PCNT: variants seen among roughly 807,000 people sequenced by gnomAD.
The protein encoded by PCNT is pericentrin.
A neutral mutation model predicts 380.4 loss-of-function variants in PCNT; 319 were observed. The ratio of observed to expected loss-of-function variants is 0.84; its 90% confidence interval spans 0.77 to 0.92. PCNT has a LOEUF of 0.92. PCNT is among the 40% of genes least tolerant of loss of function. The pLI, the probability that PCNT is intolerant of heterozygous loss-of-function variation, is 0.00. For synonymous variants in PCNT, 1,845 were observed against 1,735.2 expected (o/e 1.06, Z -1.57); for missense variants, 4,400 against 4,255.3 (o/e 1.03, Z -0.95).
At chr21:46,360,520 C>CT (rs35679282) in intron 13 of PCNT, among the ~76,000 whole-genome samples, 116,814 of 122,734 alleles carry the variant, frequency 0.95, 55,693 homozygotes, top group East Asian at 0.99. Context: ...ACTGCGCCGG[C>CT]TTTTTTTTTT....
intron 9 of PCNT, among the ~76,000 whole-genome samples, chr21:46,352,396 A>G (rs568621292): frequency 6.6e-6 from 1 of 152,172 alleles, no homozygotes; most frequent in East Asian, 1.9e-4. Context: ...TGGAGAAGAG[A>G]GAAGCTGAGG....
chr21:46,436,943 GC>G, intron 39 of PCNT, 35 bp from the exon 40 acceptor site: 1 of 1,418,448 alleles, frequency 7.0e-7, no homozygotes, highest in Non-Finnish European at 1.0e-6. Context: ...CACTTGGGGC[GC>G]GTATGCAACT....
At chr21:46,402,814 C>G (rs985394481) in intron 27 of PCNT, among the ~76,000 whole-genome samples, 2 of 152,128 alleles carry the variant, frequency 1.3e-5, no homozygotes, top group Admixed American at 6.5e-5. Context: ...TGGTGGCTTG[C>G]TCTTCTCAAG....
At chr21:46,339,250 G>A (rs999243818) in intron 3 of PCNT, among the ~76,000 whole-genome samples, 3 of 152,126 alleles carry the variant, frequency 2.0e-5, no homozygotes, top group Non-Finnish European at 4.4e-5. Context: ...CCTGGCTGGC[G>A]TAGACATATA....
chr21:46,372,069 T>TG (rs1238873398), intron 15 of PCNT, among the ~76,000 whole-genome samples: 1 of 140,028 alleles, frequency 7.1e-6, no homozygotes, highest in Non-Finnish European at 1.5e-5. Context: ...ACAAGGCACA[T>TG]GCACACAGCA....
At position 46,415,365 on chromosome 21, in the gene PCNT, A is replaced by ATT. The variant is rs35983555; in HGVS notation, c.6151-675_6151-674dup. On this transcript the variant is annotated intron_variant, in intron 29 of 46. Transcript: ENST00000359568. ...CCTCATGACAGGAACGTTTCTTTGA[A>ATT]TTTTTTTTTTTTTTTTTTTTTTTTT... Among the ~76,000 whole-genome samples, 158 of 65,294 alleles carry ATT rather than the reference A, an allele frequency of 2.4e-3. 5 individuals carry two copies. Among genetic ancestry groups the ATT allele is most frequent in the African/African-American group, 3.8e-3 (58 of 15,448 alleles). The allele number at this position is 65,294 out of a possible 152,430, so 42.8% of individuals were successfully genotyped here.
intron 9 of PCNT, among the ~76,000 whole-genome samples, chr21:46,352,154 A>C (rs2084296494): frequency 6.6e-6 from 1 of 152,378 alleles, no homozygotes; most frequent in African/African-American, 2.4e-5. Flanking sequence ...AGGGTGAGCC[A>C]CTGCGTGTCT....
At chr21:46,382,826 AT>A (rs1210504559) in intron 16 of PCNT, among the ~76,000 whole-genome samples, 1 of 130,800 alleles carries the variant, frequency 7.6e-6, no homozygotes, top group Non-Finnish European at 1.5e-5. Flanking sequence ...GCGGAAGCGC[AT>A]TCACGGTGTT....
chr21:46,427,881 G>C, intron 34 of PCNT, 86 bp downstream of exon 34: 1 of 1,464,880 alleles, frequency 6.8e-7, no homozygotes, highest in South Asian at 1.1e-5. Context: ...TTTTGTGTGT[G>C]AATTTCGGTT....
In PCNT at chr21:46,356,979, C is replaced by G. The variant is rs774048495; in HGVS notation, c.1942C>G (p.Pro648Ala). 1.2e-6 allele frequency: 2 copies of G among 1,613,898 alleles called. No homozygotes were observed. Among genetic ancestry groups the G allele is most frequent in the African/African-American group, 1.3e-5 (1 of 75,060 alleles). Reference protein sequence around the residue: ...EPSEGHSQELPWVHLQGVQDG... With the variant: ...EPSEGHSQELAWVHLQGVQDG... ...CCTGCTCCTTTTCCACACAGAGCTT[C>G]CCTGGGTGCATCTCCAGGGTGTGCA... is the stretch of plus-strand genomic sequence containing the variant. Residue 648 changes from proline to alanine, a missense_variant, in exon 13 of 47, where the codon CCC (proline) becomes GCC (alanine). Coordinates refer to ENST00000359568, the MANE Select transcript of PCNT (RefSeq NM_006031.6).
At chr21:46,350,720 A>C (rs2084235528) in intron 8 of PCNT, among the ~76,000 whole-genome samples, 1 of 152,114 alleles carries the variant, frequency 6.6e-6, no homozygotes. Context: ...CCTCTCCTGC[A>C]GAGAGTCCAG....
intron 35 of PCNT, 72 bp from the exon 36 acceptor site, chr21:46,429,938 C>G (rs2087679762): frequency 5.5e-6 from 7 of 1,270,100 alleles, no homozygotes; most frequent in Non-Finnish European, 6.9e-6. Context: ...ACGAGTCTGT[C>G]TCTAACCTGG....
At chr21:46,419,111 C>T (rs2087144473) in intron 31 of PCNT, among the ~76,000 whole-genome samples, 1 of 150,698 alleles carries the variant, frequency 6.6e-6, no homozygotes, top group Non-Finnish European at 1.5e-5. Context: ...TTTTACAAGT[C>T]AGTCACCTTT....
chr21:46,425,991 C>CA lies in PCNT; in HGVS notation c.7320+21dup. 6.2e-7 allele frequency: 1 copy of CA among 1,609,386 alleles called. No homozygotes were observed. The highest frequency in any genetic ancestry group is 8.5e-7 in the Non-Finnish European group (1 of 1,177,142). On this transcript the variant is annotated intron_variant, in intron 33 of 46. Coordinates refer to ENST00000359568, the MANE Select transcript of PCNT (RefSeq NM_006031.6). The surrounding 1 kb of genome is among the most constrained non-coding windows in gnomAD (Gnocchi z 4.2). ...ACGCAGGTTTATTTTGCCCTTCACA[C>CA]ACTTCTTTTCCAAAGGATTTAAGGA...
intron 16 of PCNT, among the ~76,000 whole-genome samples, chr21:46,383,347 G>A (rs558760797): frequency 7.3e-6 from 1 of 137,812 alleles, no homozygotes; most frequent in East Asian, 2.3e-4. Flanking sequence ...TTCACGGTGT[G>A]CATTCAGTGG....
intron 38 of PCNT, 79 bp from the exon 39 acceptor site, chr21:46,435,825 A>C: frequency 6.4e-7 from 1 of 1,569,188 alleles, no homozygotes; most frequent in East Asian, 2.2e-5. Context: ...TACAGGCATG[A>C]ACCACCGCGC....
At chr21:46,347,681 G>T (rs1386727550) in intron 6 of PCNT, among the ~76,000 whole-genome samples, 169 bp downstream of exon 6, 1 of 152,198 alleles carries the variant, frequency 6.6e-6, no homozygotes. Flanking sequence ...TATATCATTT[G>T]TATTTGTCAG....
intron 7 of PCNT, 106 bp downstream of exon 7, chr21:46,349,292 C>G (rs148705776): frequency 1.0e-6 from 1 of 963,524 alleles, no homozygotes; most frequent in African/African-American, 1.6e-5. Flanking sequence ...CGTTTCCTAC[C>G]TTCTAAATGC....
chr21:46,370,646 C>T (rs2085089566), intron 15 of PCNT, among the ~76,000 whole-genome samples: 1 of 152,124 alleles, frequency 6.6e-6, no homozygotes, highest in Non-Finnish European at 1.5e-5. Flanking sequence ...GGGCTCATGC[C>T]TGTAATCCCA....
Sources: allele counts gnomAD v4.1 joint callset (sites outside exome capture counted in the v4.1 genomes callset), GRCh38; gene constraint gnomAD v4.1.1; non-coding constraint Gnocchi (gnomAD v3.1); transcripts MANE v1.5; gene names NCBI Gene and HGNC (gene_info 2026-07-23, HGNC 2026-07-21).